Variants in NFATC2 observed in about 807,000 individuals in gnomAD.
NFATC2 encodes the protein nuclear factor of activated T-cells, cytoplasmic 2.
Under a neutral mutation model 87.3 loss-of-function variants are expected in NFATC2, and 22 were observed. The observed-to-expected ratio is 0.25, with a 90% CI of 0.18 to 0.36. The LOEUF (loss-of-function observed/expected upper bound fraction) is 0.36, where lower values mean the gene tolerates loss of function less well. Ranked by LOEUF, NFATC2 falls within the 10% of genes least tolerant of loss-of-function variation. The pLI is 1.00. For synonymous variants in NFATC2, 565 were observed against 542.2 expected (o/e 1.04, Z -0.58); for missense variants, 1,149 against 1,259.1 (o/e 0.91, Z 1.32).
At chr20:51,503,060 G>A (rs574074429) in intron 3 of NFATC2, among the ~76,000 whole-genome samples, 4 of 152,080 alleles carry the variant, frequency 2.6e-5, no homozygotes, top group Admixed American at 6.6e-5. Flanking sequence ...TGATAATGAC[G>A]GCAACAAAGA....
At chr20:51,403,258 G>T (rs1330334505) in intron 9 of NFATC2, among the ~76,000 whole-genome samples, 1 of 152,206 alleles carries the variant, frequency 6.6e-6, no homozygotes, top group Non-Finnish European at 1.5e-5. Context: ...TTCCTGCAAA[G>T]AAATTTCTCA....
chr20:51,525,591 C>T (rs555954759), intron 1 of NFATC2, among the ~76,000 whole-genome samples: 1 of 151,708 alleles, frequency 6.6e-6, no homozygotes, highest in South Asian at 2.1e-4. Context: ...CCAACCTCCC[C>T]GCCAGCTCAT....
At chr20:51,397,390 G>T (rs1201520624) in intron 10 of NFATC2, among the ~76,000 whole-genome samples, 1 of 152,156 alleles carries the variant, frequency 6.6e-6, no homozygotes. Flanking sequence ...CTGTGGGTGG[G>T]GTCTGAAGAG....
At chr20:51,554,673 G>A (rs576373153) in intron 1 of NFATC2, among the ~76,000 whole-genome samples, 11 of 152,286 alleles carry the variant, frequency 7.2e-5, no homozygotes, top group Non-Finnish European at 1.0e-4. Context: ...AAATGAGGGC[G>A]TGCAGCAGGT....
At chr20:51,535,202 G>T (rs2076699863) in intron 1 of NFATC2, among the ~76,000 whole-genome samples, 1 of 152,144 alleles carries the variant, frequency 6.6e-6, no homozygotes, top group Non-Finnish European at 1.5e-5. Flanking sequence ...ACTCGCCAGG[G>T]CTAAACCCAC....
intron 6 of NFATC2, among the ~76,000 whole-genome samples, chr20:51,436,972 G>A (rs1209569487): frequency 6.6e-6 from 1 of 151,948 alleles, no homozygotes; most frequent in East Asian, 1.9e-4. Flanking sequence ...AGAAAGACAG[G>A]GGCTCACCCT....
intron 5 of NFATC2, among the ~76,000 whole-genome samples, chr20:51,466,744 G>T (rs536390632): frequency 9.2e-5 from 14 of 152,220 alleles, no homozygotes; most frequent in Non-Finnish European, 1.5e-4. Flanking sequence ...GACAAATTTG[G>T]CTTCATCAAA....
At chr20:51,424,083 C>T (rs547664978) in intron 9 of NFATC2, among the ~76,000 whole-genome samples, 5 of 152,236 alleles carry the variant, frequency 3.3e-5, no homozygotes, top group African/African-American at 9.6e-5. Flanking sequence ...AGAGATGCCC[C>T]AGGGACAGAT....
At chr20:51,457,635 A>AGTGAGAGT (rs1555880921) in intron 5 of NFATC2, among the ~76,000 whole-genome samples, 60 of 9,260 alleles carry the variant, frequency 6.5e-3, no homozygotes, top group African/African-American at 0.011. Flanking sequence ...AAGAGAAAAC[A>AGTGAGAGT]CGCCTTTAGC....
intron 5 of NFATC2, among the ~76,000 whole-genome samples, chr20:51,462,863 C>CA (rs1179973009): frequency 6.6e-6 from 1 of 151,892 alleles, no homozygotes; most frequent in Non-Finnish European, 1.5e-5. Context: ...GAGCTCACAG[C>CA]AAATGGACAA....
chr20:51,433,625 A>G (rs200059878), intron 8 of NFATC2, among the ~76,000 whole-genome samples: 2 of 152,102 alleles, frequency 1.3e-5, no homozygotes, highest in Admixed American at 1.3e-4. Flanking sequence ...TCCTTCCCCA[A>G]CATCCATACT....
At chr20:51,400,285 T>A (rs1266754152) in intron 9 of NFATC2, among the ~76,000 whole-genome samples, 1 of 152,152 alleles carries the variant, frequency 6.6e-6, no homozygotes, top group African/African-American at 2.4e-5. Context: ...TATCTACTCA[T>A]TTAAGGAGCA....
intron 9 of NFATC2, among the ~76,000 whole-genome samples, chr20:51,427,464 C>A (rs550955635): frequency 1.9e-4 from 29 of 152,182 alleles, no homozygotes; most frequent in Non-Finnish European, 3.7e-4. Context: ...ACAGGGCCTG[C>A]GGGGCACACT....
intron 9 of NFATC2, among the ~76,000 whole-genome samples, chr20:51,427,942 C>T (rs899218079): frequency 3.9e-5 from 6 of 152,206 alleles, no homozygotes; most frequent in South Asian, 2.1e-4. Flanking sequence ...AAACAATCAC[C>T]GTGAGAGCAA....
At chr20:51,457,407 C>T (rs1414819697) in intron 5 of NFATC2, among the ~76,000 whole-genome samples, 2 of 152,212 alleles carry the variant, frequency 1.3e-5, no homozygotes, top group Non-Finnish European at 2.9e-5. Flanking sequence ...GCTCTCAGTG[C>T]TGGGCGGGAG....
intron 5 of NFATC2, among the ~76,000 whole-genome samples, chr20:51,469,145 C>G (rs1987967407): frequency 6.6e-6 from 1 of 152,112 alleles, no homozygotes; most frequent in Non-Finnish European, 1.5e-5. Context: ...ACCTCAGGCC[C>G]CCAAGTAGCT....
At chr20:51,532,561 A>G (rs1321439733) in intron 1 of NFATC2, among the ~76,000 whole-genome samples, 1 of 152,142 alleles carries the variant, frequency 6.6e-6, no homozygotes, top group Non-Finnish European at 1.5e-5. Context: ...TATTTTAAAA[A>G]TCCACTCAGG....
chr20:51,556,308 T>C (rs1308366224), intron 1 of NFATC2, among the ~76,000 whole-genome samples: 1 of 152,208 alleles, frequency 6.6e-6, no homozygotes, highest in Admixed American at 6.5e-5. Flanking sequence ...TCATTTGTTA[T>C]AGCAGCCACT....
chr20:51,507,571 A>C (rs1600900793), intron 3 of NFATC2, among the ~76,000 whole-genome samples: 2 of 152,224 alleles, frequency 1.3e-5, no homozygotes, highest in African/African-American at 4.8e-5. Flanking sequence ...TGCTCAACAA[A>C]CACAAAACAA....
Sources: allele counts gnomAD v4.1 joint callset (sites outside exome capture counted in the v4.1 genomes callset), GRCh38; gene constraint gnomAD v4.1.1; transcripts MANE v1.5; gene names NCBI Gene and HGNC (gene_info 2026-07-23, HGNC 2026-07-21).